The following UGT3A1 variants were observed in gnomAD, a reference collection of about 807,000 sequenced individuals.
UGT3A1 encodes UDP glycosyltransferase family 3 member A1, also known as UDP-glycosyltransferase 3A1.
A neutral mutation model predicts 37.6 loss-of-function variants in UGT3A1; 40 were observed. That is an observed-to-expected ratio of 1.06 (90% CI 0.83 to 1.38). UGT3A1 has a LOEUF of 1.38. UGT3A1 is among the 40% of genes most tolerant of loss of function. The pLI is 0.00. For missense variants in UGT3A1, 642 were observed against 634.2 expected (o/e 1.01, Z -0.13); for synonymous variants, 256 against 232.3 (o/e 1.10, Z -0.93).
chr5:35,966,086 C>T (rs1739799439), intron 3 of UGT3A1, among the ~76,000 whole-genome samples, 169 bp from the exon 4 acceptor site: 2 of 152,174 alleles, frequency 1.3e-5, no homozygotes, highest in Non-Finnish European at 2.9e-5. Flanking sequence ...TCACTCTGGT[C>T]CAGATATTTC....
intron 6 of UGT3A1, 125 bp downstream of exon 6, chr5:35,955,520 T>A: frequency 9.0e-7 from 1 of 1,113,440 alleles, no homozygotes; most frequent in Non-Finnish European, 1.3e-6. Context: ...GCTGTTAGCA[T>A]CACACACATG....
chr5:35,965,550 C>T lies in UGT3A1; in HGVS notation c.679G>A (p.Glu227Lys), dbSNP rs1403144823. 2.5e-6 allele frequency: 4 copies of T among 1,614,210 alleles called. No individual in the cohort carries two copies. The South Asian group carries it at 4.4e-5, about 18-fold the overall frequency. ...MQSTFDNTIKEHFPEGSRPVL... is the reference protein window; with the variant it reads ...MQSTFDNTIKKHFPEGSRPVL... The stretch of plus-strand genomic sequence containing the variant: ...GGCCTAGAGCCTTCTGGGAAATGCT[C>T]CTTGATGGTGTTGTCAAATGTAGAC... Residue 227 changes from glutamate (E) to lysine (K), a missense_variant, in exon 4 of 7, where the codon GAG becomes AAG. Glu to Lys is a moderately conservative substitution (Grantham distance 56, BLOSUM62 1). Transcript: ENST00000274278.
chr5:35,960,559 G>A (rs1336528513), intron 4 of UGT3A1, among the ~76,000 whole-genome samples: 1 of 152,160 alleles, frequency 6.6e-6, no homozygotes, highest in Non-Finnish European at 1.5e-5. Flanking sequence ...GAGTGCTTTG[G>A]GGCTCTGGCC....
rs546653530 is a variant in UGT3A1 at position 35,953,615 on chromosome 5, A to T, written c.*587T>A. On this transcript the variant is annotated 3_prime_UTR_variant, in exon 7 of 7. Coordinates refer to ENST00000274278, the MANE Select transcript of UGT3A1 (RefSeq NM_152404.4). ...AGAAGACAACTGTAAAAACTGAAAT[A>T]AAGCAGTATCATCTGTGACCAACTG... is the stretch of plus-strand genomic sequence containing the variant. 1 of 152,708 alleles carries T rather than the reference A, an allele frequency of 6.5e-6. No individual in the cohort carries two copies. The allele number at this position is 152,708 out of a possible 1,614,324, so 9.5% of individuals were successfully genotyped here. A position where few individuals can be genotyped will look rare whatever the true frequency, so the allele number is the denominator to read the frequency against.
intron 3 of UGT3A1, among the ~76,000 whole-genome samples, chr5:35,966,944 T>TA (rs1031701483): frequency 1.6e-4 from 24 of 152,222 alleles, no homozygotes; most frequent in Non-Finnish European, 2.5e-4. Flanking sequence ...TTTCATTTTT[T>TA]AAAAAAAATT....
In UGT3A1 at chr5:35,955,768, T is replaced by C. The variant is rs1314631916; in HGVS notation, c.1172A>G (p.Asn391Ser). The part of the protein sequence containing the change: ...HGVPMVGLPV[N>S]GDQHGNMVRV... ...GACCATGTTTCCATGCTGGTCTCCA[T>C]TGACTGGTAATCCCACCATGGGCAC... Residue 391 changes from asparagine (N) to serine (S), a missense_variant, in exon 6 of 7, where the codon AAT (asparagine) becomes AGT (serine). Transcript: ENST00000274278. The C allele has an allele frequency of 1.2e-6, 2 of 1,614,104 alleles. No individual in the cohort carries two copies. The highest frequency in any genetic ancestry group is 1.3e-5 in the African/African-American group (1 of 74,930).
At chr5:35,965,338 C>A (rs369410110) in intron 4 of UGT3A1, 48 bp downstream of exon 4, 105 of 1,586,132 alleles carry the variant, frequency 6.6e-5, no homozygotes, top group Middle Eastern at 1.7e-4. Context: ...AACTATGCAC[C>A]CAAGGACTCT....
At chr5:35,954,688 CA>C in intron 6 of UGT3A1, 1 of 588,046 alleles carries the variant, frequency 1.7e-6, no homozygotes, top group Non-Finnish European at 3.0e-6. Context: ...ATACAAAGAC[CA>C]ATGATTAATT....
intron 1 of UGT3A1, among the ~76,000 whole-genome samples, chr5:35,989,958 G>T (rs1740872759): frequency 6.6e-6 from 1 of 152,208 alleles, no homozygotes; most frequent in Non-Finnish European, 1.5e-5. Flanking sequence ...GTGGTGGCGG[G>T]CGCCTGTAGT....
At chr5:35,973,615 G>A (rs1470505603) in intron 2 of UGT3A1, among the ~76,000 whole-genome samples, 1 of 152,134 alleles carries the variant, frequency 6.6e-6, no homozygotes, top group Non-Finnish European at 1.5e-5. Context: ...ACCCAGTGCA[G>A]GAAGGAAACA....
upstream of UGT3A1, among the ~76,000 whole-genome samples, chr5:35,993,637 G>A (rs551477220): frequency 4.6e-5 from 7 of 152,188 alleles, no homozygotes; most frequent in African/African-American, 1.4e-4. Context: ...CCTGGTGCGC[G>A]TCCTTAACTT....
intron 5 of UGT3A1, among the ~76,000 whole-genome samples, 161 bp downstream of exon 5, chr5:35,957,027 G>T (rs1739380653): frequency 6.6e-6 from 1 of 152,208 alleles, no homozygotes; most frequent in South Asian, 2.1e-4. Context: ...GATTCCCAAA[G>T]AATTCCAGCT....
At chr5:35,967,392 C>T (rs1053585693) in intron 3 of UGT3A1, among the ~76,000 whole-genome samples, 1 of 152,166 alleles carries the variant, frequency 6.6e-6, no homozygotes, top group African/African-American at 2.4e-5. Context: ...TGTGTTTCTC[C>T]TCTTTTATGT....
intron 4 of UGT3A1, among the ~76,000 whole-genome samples, chr5:35,959,832 G>T (rs1005656999): frequency 6.6e-6 from 1 of 151,834 alleles, no homozygotes; most frequent in South Asian, 2.1e-4. Flanking sequence ...AAATCTATTA[G>T]AACTAATAAA....
intron 2 of UGT3A1, among the ~76,000 whole-genome samples, chr5:35,977,814 T>C (rs1214245290): frequency 6.6e-6 from 1 of 152,176 alleles, no homozygotes; most frequent in African/African-American, 2.4e-5. Context: ...TACCTTATAA[T>C]CCCATTTACG....
intron 2 of UGT3A1, among the ~76,000 whole-genome samples, chr5:35,974,185 G>T (rs1414334972): frequency 6.6e-6 from 1 of 152,034 alleles, no homozygotes; most frequent in Non-Finnish European, 1.5e-5. Flanking sequence ...TTACTAGTGT[G>T]GCTAGGCATT....
At chr5:35,962,129 C>A (rs1252823304) in intron 4 of UGT3A1, 1 of 152,224 alleles carries the variant, frequency 6.6e-6, no homozygotes, top group East Asian at 1.9e-4. Context: ...AAGCTCATCC[C>A]CAAATCTCTC....
chr5:35,974,737 C>T (rs912839556), intron 2 of UGT3A1, among the ~76,000 whole-genome samples: 3 of 152,160 alleles, frequency 2.0e-5, no homozygotes, highest in Non-Finnish European at 2.9e-5. Context: ...TCTTGACACC[C>T]GTTAGTCAAG....
In UGT3A1 at chr5:35,968,011, G is replaced by T; in HGVS notation, c.311+8C>A. 1.3e-6 allele frequency: 2 copies of T among 1,598,310 alleles called. No homozygotes were observed. The highest frequency in any genetic ancestry group is 1.7e-6 in the Non-Finnish European group (2 of 1,168,502). On this transcript the variant is annotated splice_region_variant and intron_variant, in intron 3 of 6. Transcript: ENST00000274278. ...GACTCTTTGCTTCATAGAATGAAAA[G>T]AAGTTACCTGCCATCCAATGCTGTT...
Sources: gnomAD v4.1 joint callset for allele counts (sites outside exome capture counted in the v4.1 genomes callset) on GRCh38, gnomAD v4.1.1 for gene constraint, MANE v1.5 for transcripts, NCBI Gene and HGNC (gene_info 2026-07-23, HGNC 2026-07-21) for gene names.